The following CSPP1 variants were observed in gnomAD, a reference collection of about 807,000 sequenced individuals.
The protein encoded by CSPP1 is centrosome and spindle pole-associated protein 1.
A neutral mutation model predicts 164.4 loss-of-function variants in CSPP1; 126 were observed. That is an observed-to-expected ratio of 0.77 (90% CI 0.66 to 0.89). CSPP1 has a LOEUF of 0.89. Ranked by LOEUF, CSPP1 falls within the 40% of genes least tolerant of loss-of-function variation. The pLI is 0.00. For missense variants in CSPP1, 1,395 were observed against 1,449.8 expected (o/e 0.96, Z 0.61); for synonymous variants, 472 against 476.7 (o/e 0.99, Z 0.13).
At chr8:67,093,706 A>G in intron 6 of CSPP1, 65 bp downstream of exon 6, 1 of 935,920 alleles carries the variant, frequency 1.1e-6, no homozygotes, top group Non-Finnish European at 1.6e-6. Context: ...TTGTACTTGA[A>G]AAGCTTTTTC....
At chr8:67,098,890 T>C (rs1813420378) in intron 7 of CSPP1, among the ~76,000 whole-genome samples, 1 of 151,410 alleles carries the variant, frequency 6.6e-6, no homozygotes, top group Non-Finnish European at 1.5e-5. Flanking sequence ...AATATAAAAA[T>C]TGGGAAAGAA....
At chr8:67,187,155 TATA>T (rs1834902243) in intron 28 of CSPP1, among the ~76,000 whole-genome samples, 1 of 152,210 alleles carries the variant, frequency 6.6e-6, no homozygotes, top group Non-Finnish European at 1.5e-5. Flanking sequence ...CAACTTGATC[TATA>T]GATTCAGTAC....
chr8:67,089,863 A>T (rs1219711426), intron 4 of CSPP1, among the ~76,000 whole-genome samples: 1 of 151,214 alleles, frequency 6.6e-6, no homozygotes, highest in Non-Finnish European at 1.5e-5. Context: ...TTAAATACTC[A>T]AGCTGGTCTT....
At chr8:67,102,217 T>C (rs1814263267) in intron 7 of CSPP1, among the ~76,000 whole-genome samples, 1 of 152,244 alleles carries the variant, frequency 6.6e-6, no homozygotes, top group South Asian at 2.1e-4. Flanking sequence ...TATTCTTTCC[T>C]GTGATTTACA....
intron 28 of CSPP1, among the ~76,000 whole-genome samples, chr8:67,181,903 A>G (rs1833149419): frequency 6.6e-6 from 1 of 152,216 alleles, no homozygotes; most frequent in Non-Finnish European, 1.5e-5. Context: ...CTAGGACCTC[A>G]TGTAAGTGGA....
intron 21 of CSPP1, among the ~76,000 whole-genome samples, chr8:67,161,194 A>G (rs892589090): frequency 2.6e-5 from 4 of 152,016 alleles, no homozygotes; most frequent in African/African-American, 9.7e-5. Context: ...TGCATTTCTG[A>G]CTTTTTTGTG....
chr8:67,067,839 T>G (rs1055888716), intron 1 of CSPP1, among the ~76,000 whole-genome samples: 2 of 151,914 alleles, frequency 1.3e-5, no homozygotes, highest in Non-Finnish European at 2.9e-5. Flanking sequence ...ATAAAAGAAT[T>G]GATCTGTTGA....
chr8:67,111,948 T>C, intron 9 of CSPP1, 24 bp from the exon 10 acceptor site: 1 of 1,451,826 alleles, frequency 6.9e-7, no homozygotes, highest in Non-Finnish European at 9.6e-7. Context: ...GTTAAGATTG[T>C]ATTTTTCTCA....
chr8:67,190,585 G>T, intron 28 of CSPP1, 65 bp from the exon 29 acceptor site: 2 of 1,190,782 alleles, frequency 1.7e-6, no homozygotes, highest in South Asian at 1.2e-5. Flanking sequence ...AAAGGCTCTT[G>T]GTTTAGCTCT....
In CSPP1 at chr8:67,158,545, T is replaced by A. The variant is rs746742865; in HGVS notation, c.2340T>A (p.Ile780=). The change falls in exon 20 of 31, where the codon ATT becomes ATA. Residue 780 remains isoleucine, a synonymous_variant. Transcript: ENST00000678616. ...ERRLAEQRAR[I]QQEYEEEQEK... is the part of the protein sequence containing the mutation. Reference sequence around the variant, plus strand: ...GGCTTGCAGAACAGAGGGCACGAATTCAGCAGGAGTATGAAGAGGAACAGG... The same window carrying A: ...GGCTTGCAGAACAGAGGGCACGAATACAGCAGGAGTATGAAGAGGAACAGG... 1 of 1,611,946 alleles carries A rather than the reference T, an allele frequency of 6.2e-7. No homozygotes were observed. Among genetic ancestry groups the A allele is most frequent in the South Asian group, 1.1e-5 (1 of 90,722 alleles).
At chr8:67,192,850 T>C (rs1318059115) in intron 29 of CSPP1, among the ~76,000 whole-genome samples, 1 of 152,220 alleles carries the variant, frequency 6.6e-6, no homozygotes, top group Non-Finnish European at 1.5e-5. Context: ...TTGATCTACA[T>C]GTCTTTTCTT....
chr8:67,154,719 T>G (rs1476162151), intron 19 of CSPP1, among the ~76,000 whole-genome samples: 1 of 152,154 alleles, frequency 6.6e-6, no homozygotes. Context: ...CAGGCTGGTC[T>G]CGAACTACTG....
intron 28 of CSPP1, among the ~76,000 whole-genome samples, chr8:67,188,933 A>C (rs936269046): frequency 1.1e-4 from 16 of 152,178 alleles, no homozygotes; most frequent in Non-Finnish European, 1.8e-4. Flanking sequence ...CATTCCTTGG[A>C]ATCTGTGAGG....
intron 26 of CSPP1, among the ~76,000 whole-genome samples, chr8:67,176,802 T>G (rs1025967980): frequency 6.6e-5 from 10 of 152,154 alleles, no homozygotes; most frequent in African/African-American, 2.4e-4. Flanking sequence ...CCAGGCGTGG[T>G]GGCTCACACC....
In CSPP1 at chr8:67,104,696, G is replaced by A. The variant is rs560826947; in HGVS notation, c.1023-1209G>A. Among the ~76,000 whole-genome samples the A allele has an allele frequency of 1.5e-3, 233 of 151,022 alleles. 1 individual carries two copies. Among genetic ancestry groups the A allele is most frequent in the African/African-American group, 5.5e-3 (226 of 41,106 alleles). On this transcript the variant is annotated intron_variant, in intron 8 of 30. Transcript: ENST00000678616. ...TCTGTCACCCAGACTGGAGTGCAGC[G>A]GCACGATCTCAGCTCACTGCAATCT... is the stretch of plus-strand genomic sequence containing the variant.
chr8:67,145,516 C>A (rs567734794), intron 17 of CSPP1, among the ~76,000 whole-genome samples: 1 of 148,356 alleles, frequency 6.7e-6, no homozygotes, highest in Admixed American at 6.7e-5. Flanking sequence ...TTTCTAATTT[C>A]TTTCTTTTTT....
intron 21 of CSPP1, 86 bp downstream of exon 21, chr8:67,159,223 A>T: frequency 7.9e-7 from 1 of 1,273,012 alleles, no homozygotes; most frequent in Non-Finnish European, 1.1e-6. Flanking sequence ...AAAAGGGGAG[A>T]AAGAGGAGGA....
At chr8:67,140,156 C>A (rs1410448381) in intron 17 of CSPP1, among the ~76,000 whole-genome samples, 1 of 152,140 alleles carries the variant, frequency 6.6e-6, no homozygotes, top group African/African-American at 2.4e-5. Flanking sequence ...ACCATCTTGG[C>A]TCACTGCAAC....
At chr8:67,140,976 C>G (rs1823374490) in intron 17 of CSPP1, among the ~76,000 whole-genome samples, 2 of 152,134 alleles carry the variant, frequency 1.3e-5, no homozygotes, top group South Asian at 4.1e-4. Context: ...GTTTAACTTT[C>G]TTTATGCTCA....
Sources: gnomAD v4.1 joint callset for allele counts (sites outside exome capture counted in the v4.1 genomes callset) on GRCh38, gnomAD v4.1.1 for gene constraint, MANE v1.5 for transcripts, NCBI Gene and HGNC (gene_info 2026-07-23, HGNC 2026-07-21) for gene names.